Variants in PTPRN2 observed in about 807,000 individuals in gnomAD.
The protein encoded by PTPRN2 is receptor-type tyrosine-protein phosphatase N2.
PTPRN2 carries 74 observed loss-of-function variants against 118.8 expected under a neutral mutation model. That is an observed-to-expected ratio of 0.62 (90% CI 0.52 to 0.76). The LOEUF (loss-of-function observed/expected upper bound fraction) is 0.76. Ranked by LOEUF, PTPRN2 falls within the 30% of genes least tolerant of loss-of-function variation. PTPRN2 has a pLI of 0.00. For missense variants in PTPRN2, 1,481 were observed against 1,394.4 expected (o/e 1.06, Z -0.99); for synonymous variants, 641 against 608.0 (o/e 1.05, Z -0.80).
chr7:158,105,539 C>A (rs1210788782), intron 10 of PTPRN2, among the ~76,000 whole-genome samples: 1 of 151,796 alleles, frequency 6.6e-6, no homozygotes, highest in Non-Finnish European at 1.5e-5. Flanking sequence ...CCAGGTACAT[C>A]CAAGGCTTCA....
At chr7:158,019,363 C>T (rs1354949740) in intron 11 of PTPRN2, among the ~76,000 whole-genome samples, 1 of 152,192 alleles carries the variant, frequency 6.6e-6, no homozygotes, top group Non-Finnish European at 1.5e-5. Context: ...ATAGGACATG[C>T]GATAGAAGGA....
chr7:158,062,862 T>C (rs1345472849), intron 11 of PTPRN2, among the ~76,000 whole-genome samples: 4 of 152,148 alleles, frequency 2.6e-5, no homozygotes, highest in Non-Finnish European at 5.9e-5. Flanking sequence ...CCCTTCGCCA[T>C]GGGCTCCTGT....
At chr7:157,657,287 C>T (rs1428382619) in intron 13 of PTPRN2, among the ~76,000 whole-genome samples, 4 of 113,372 alleles carry the variant, frequency 3.5e-5, no homozygotes, top group Non-Finnish European at 5.8e-5. Flanking sequence ...ACACACCACA[C>T]ACATCACACA....
intron 13 of PTPRN2, among the ~76,000 whole-genome samples, chr7:157,657,978 A>C (rs529138291): frequency 6.7e-6 from 1 of 149,760 alleles, no homozygotes; most frequent in Non-Finnish European, 1.5e-5. Flanking sequence ...CACACACACC[A>C]CACACACGTC....
chr7:157,698,733 C>T (rs1330298784), intron 12 of PTPRN2, among the ~76,000 whole-genome samples: 4 of 152,130 alleles, frequency 2.6e-5, no homozygotes, highest in Non-Finnish European at 5.9e-5. Flanking sequence ...TATAGAGGAT[C>T]TATTACTTTT....
chr7:157,695,386 T>G (rs1797714558), intron 12 of PTPRN2, among the ~76,000 whole-genome samples: 1 of 152,140 alleles, frequency 6.6e-6, no homozygotes, highest in Non-Finnish European at 1.5e-5. Flanking sequence ...GACAGTAATT[T>G]ATAATTTTAC....
chr7:158,134,422 C>T (rs1284543253), intron 8 of PTPRN2, among the ~76,000 whole-genome samples: 1 of 152,048 alleles, frequency 6.6e-6, no homozygotes, highest in Non-Finnish European at 1.5e-5. Flanking sequence ...CCACCCCAGC[C>T]CTCTAGAAGC....
intron 11 of PTPRN2, among the ~76,000 whole-genome samples, chr7:157,945,298 G>T (rs1452295681): frequency 2.6e-5 from 4 of 152,020 alleles, no homozygotes; most frequent in African/African-American, 9.7e-5. Context: ...TCTCCTTCCA[G>T]ACTCACAGCC....
intron 2 of PTPRN2, among the ~76,000 whole-genome samples, chr7:158,331,092 G>A (rs866318128): frequency 3.4e-4 from 24 of 69,942 alleles, no homozygotes; most frequent in Middle Eastern, 0.011. Context: ...AAGAGCTGAT[G>A]CCCGCAGACG....
At position 158,544,577 on chromosome 7, in the gene PTPRN2, G is replaced by A. The variant is rs146629147; in HGVS notation, c.112+42981C>T. On this transcript the variant is annotated intron_variant, in intron 1 of 22. Coordinates refer to ENST00000389418, the MANE Select transcript of PTPRN2 (RefSeq NM_002847.5). The surrounding 1 kb of genome is among the most constrained non-coding windows in gnomAD (Gnocchi z 4.2). ...CACTTGAACCTGGGACGTGGAGGTT[G>A]CAGTGAGCCAAGATCGCACCATTGT... Among the ~76,000 whole-genome samples, 1,218 of 152,056 alleles carry A rather than the reference G, an allele frequency of 8.0e-3. 11 individuals carry two copies. Among genetic ancestry groups the A allele is most frequent in the Middle Eastern group, 0.044 (13 of 294 alleles).
At chr7:157,543,072 G>A (rs917089444) in intron 22 of PTPRN2, among the ~76,000 whole-genome samples, 5 of 152,170 alleles carry the variant, frequency 3.3e-5, no homozygotes, top group Non-Finnish European at 5.9e-5. Flanking sequence ...GGTAGGCTGG[G>A]AAAACCCCAG....
Position 158,192,332 on chromosome 7 carries a change from C to CG in PTPRN2, c.543dup (p.Ala182ArgfsTer2), listed in dbSNP as rs35442624. ...GGAGGAAGTGGAAGGGTCACCTCAG[C>CG]GGGGGGTCTGTCCTGCGCCGTATGG... On this transcript the variant is annotated frameshift_variant, in exon 5 of 23. Transcript: ENST00000389418. LOFTEE classifies it high-confidence loss of function. 4 of 1,474,644 alleles carry CG rather than the reference C, an allele frequency of 2.7e-6. No homozygotes were observed. The highest frequency in any genetic ancestry group is 1.5e-5 in the South Asian group (1 of 68,274). The allele number at this position is 1,474,644 out of a possible 1,614,324, so 91.3% of individuals were successfully genotyped here. A position where few individuals can be genotyped will look rare whatever the true frequency, so the allele number is the denominator to read the frequency against.
At chr7:157,675,285 C>T (rs908663395) in intron 13 of PTPRN2, among the ~76,000 whole-genome samples, 1 of 152,204 alleles carries the variant, frequency 6.6e-6, no homozygotes, top group Admixed American at 6.5e-5. Flanking sequence ...GAGCCCTCAC[C>T]TCGATGTGAG....
At chr7:158,199,516 T>G (rs1032593017) in intron 4 of PTPRN2, among the ~76,000 whole-genome samples, 6 of 152,208 alleles carry the variant, frequency 3.9e-5, no homozygotes, top group African/African-American at 2.4e-5. Context: ...AATGTCGCCT[T>G]TATTTCATGA....
At chr7:158,048,596 CT>C in intron 11 of PTPRN2, among the ~76,000 whole-genome samples, 1 of 122,992 alleles carries the variant, frequency 8.1e-6, no homozygotes, top group Non-Finnish European at 1.9e-5. Flanking sequence ...ATCATCATCA[CT>C]ATCATCATCA....
At chr7:157,809,634 C>A (rs114444519) in intron 12 of PTPRN2, among the ~76,000 whole-genome samples, 2,965 of 152,246 alleles carry the variant, frequency 0.019, 97 homozygotes, top group African/African-American at 0.065. Flanking sequence ...CACAGACACG[C>A]CCCGAGGACG....
intron 3 of PTPRN2, among the ~76,000 whole-genome samples, chr7:158,209,397 T>A (rs1827416119): frequency 6.6e-6 from 1 of 151,586 alleles, no homozygotes; most frequent in Non-Finnish European, 1.5e-5. Flanking sequence ...AGAGCAAGAG[T>A]AGCAGTACTT....
chr7:158,342,102 G>A (rs1293862998), intron 2 of PTPRN2, among the ~76,000 whole-genome samples: 4 of 139,688 alleles, frequency 2.9e-5, no homozygotes, highest in African/African-American at 5.6e-5. Flanking sequence ...ACCTGCAGAC[G>A]TCACTCACAC....
intron 3 of PTPRN2, among the ~76,000 whole-genome samples, chr7:158,285,796 G>A (rs979168796): frequency 3.9e-5 from 6 of 152,182 alleles, no homozygotes; most frequent in African/African-American, 1.4e-4. Flanking sequence ...CTTGGGTTAG[G>A]GAGACAGGTG....
Sources: gnomAD v4.1 joint callset for allele counts (sites outside exome capture counted in the v4.1 genomes callset) on GRCh38, gnomAD v4.1.1 for gene constraint, Gnocchi (gnomAD v3.1) non-coding constraint, MANE v1.5 for transcripts, NCBI Gene and HGNC (gene_info 2026-07-23, HGNC 2026-07-21) for gene names.